LINGO2: variants seen among roughly 807,000 people sequenced by gnomAD.
LINGO2 encodes leucine rich repeat and Ig domain containing 2, also known as leucine-rich repeat and immunoglobulin-like domain-containing nogo receptor-interacting protein 2.
LINGO2 carries 14 observed loss-of-function variants against 30.6 expected under a neutral mutation model. That is an observed-to-expected ratio of 0.46 (90% confidence interval 0.30 to 0.72). The LOEUF (loss-of-function observed/expected upper bound fraction) is 0.72. Among genes scored for constraint, LINGO2 ranks in the 30% least tolerant of loss-of-function variants. The pLI is 0.07. For missense variants in LINGO2, 729 were observed against 751.7 expected (o/e 0.97, Z 0.35); for synonymous variants, 317 against 288.5 (o/e 1.10, Z -1.00).
intron 4 of LINGO2, among the ~76,000 whole-genome samples, chr9:28,042,513 G>C (rs551141517): frequency 1.2e-3 from 187 of 152,284 alleles, no homozygotes; most frequent in Non-Finnish European, 2.2e-3. Flanking sequence ...AGCTATAGAA[G>C]AGGAAGTGTT....
chr9:28,054,019 A>C (rs113515938), intron 4 of LINGO2, among the ~76,000 whole-genome samples: 61 of 152,146 alleles, frequency 4.0e-4, no homozygotes, highest in African/African-American at 1.4e-3. Context: ...GTATATATGC[A>C]ATTCTGCATC....
chr9:28,632,636 A>T (rs1827003337), intron 1 of LINGO2, among the ~76,000 whole-genome samples: 1 of 133,766 alleles, frequency 7.5e-6, no homozygotes, highest in Non-Finnish European at 1.6e-5. Context: ...ATATATTTTT[A>T]TATATATTTA....
At chr9:29,072,485 A>G in the LINGO2 span, among the ~76,000 whole-genome samples, 1 of 151,806 alleles carries the variant, frequency 6.6e-6, no homozygotes, top group African/African-American at 2.4e-5. Context: ...TCTATACTAC[A>G]TAAATTATAT....
chr9:28,405,750 G>C (rs1162980419), intron 2 of LINGO2, among the ~76,000 whole-genome samples: 2 of 152,090 alleles, frequency 1.3e-5, no homozygotes, highest in Non-Finnish European at 2.9e-5. Flanking sequence ...TCCAGACATT[G>C]GTGTCAGGGC....
At chr9:28,928,319 T>C in the LINGO2 span, among the ~76,000 whole-genome samples, 1 of 152,204 alleles carries the variant, frequency 6.6e-6, no homozygotes, top group South Asian at 2.1e-4. Context: ...ATAAATTCTT[T>C]TATAGCTATC....
At chr9:28,502,353 C>T (rs1197468661) in intron 1 of LINGO2, among the ~76,000 whole-genome samples, 1 of 152,036 alleles carries the variant, frequency 6.6e-6, no homozygotes, top group African/African-American at 2.4e-5. Context: ...TCTCTCTTGT[C>T]TGCCCAAATA....
chr9:27,950,237 T>C (rs777986109), exon 6 of LINGO2: 2 of 1,613,988 alleles, frequency 1.2e-6, no homozygotes, highest in Non-Finnish European at 1.7e-6. Context: ...ACATGTAGTC[T>C]AGTAAAATGA....
intron 4 of LINGO2, among the ~76,000 whole-genome samples, chr9:28,247,297 A>C (rs116538496): frequency 0.02 from 3,010 of 152,280 alleles, 91 homozygotes; most frequent in East Asian, 0.12. Context: ...AGATATATGC[A>C]TAGTATGTTT....
At chr9:29,162,544 A>C in the LINGO2 span, among the ~76,000 whole-genome samples, 4 of 152,198 alleles carry the variant, frequency 2.6e-5, no homozygotes, top group African/African-American at 7.2e-5. Context: ...TGAAAGGCAC[A>C]ATAGATGAAT....
chr9:28,302,969 G>A lies in LINGO2; in HGVS notation c.-245-7603C>T, dbSNP rs113953987. ...GAATTAAGATTTAAACTTGTGACTT[G>A]TTAATTGTATAGGTCTTACGCTTTC... On this transcript the variant is annotated intron_variant, in intron 3 of 5. Coordinates refer to ENST00000379992, the Ensembl canonical transcript of LINGO2. Among the ~76,000 whole-genome samples, 781 of 152,220 alleles carry A rather than the reference G, an allele frequency of 5.1e-3. 6 individuals are homozygous for A. The highest frequency in any genetic ancestry group is 0.03 in the South Asian group (146 of 4,822).
intron 4 of LINGO2, among the ~76,000 whole-genome samples, chr9:28,135,325 C>T (rs1827488482): frequency 6.6e-6 from 1 of 151,892 alleles, no homozygotes; most frequent in South Asian, 2.1e-4. Context: ...GAAATACAAG[C>T]TGCTAGAATT....
the LINGO2 span, among the ~76,000 whole-genome samples, chr9:29,194,269 G>A: frequency 3.7e-4 from 56 of 152,264 alleles, no homozygotes; most frequent in African/African-American, 1.3e-3. Flanking sequence ...CGGAGCCCAT[G>A]TTTATTGTCC....
chr9:28,804,511 T>A, the LINGO2 span, among the ~76,000 whole-genome samples: 1 of 151,552 alleles, frequency 6.6e-6, no homozygotes, highest in Non-Finnish European at 1.5e-5. Flanking sequence ...CTCAGTCTGG[T>A]ATATTTTTTG....
the LINGO2 span, among the ~76,000 whole-genome samples, chr9:29,191,072 C>T: frequency 1.3e-5 from 2 of 152,012 alleles, no homozygotes; most frequent in African/African-American, 4.8e-5. Flanking sequence ...TCCACTAGAC[C>T]ACGGTGTGAG....
the LINGO2 span, among the ~76,000 whole-genome samples, chr9:28,735,540 AT>A: frequency 9.2e-5 from 14 of 152,190 alleles, no homozygotes; most frequent in Admixed American, 3.3e-4. Context: ...TCAAGTTATT[AT>A]AATTATCTTA....
the LINGO2 span, among the ~76,000 whole-genome samples, chr9:29,183,752 A>G: frequency 2.6e-5 from 4 of 151,962 alleles, no homozygotes; most frequent in Non-Finnish European, 4.4e-5. Flanking sequence ...AAAGTCCCTC[A>G]TAACAACAGA....
At chr9:28,797,602 T>G in the LINGO2 span, among the ~76,000 whole-genome samples, 3 of 151,954 alleles carry the variant, frequency 2.0e-5, no homozygotes, top group Non-Finnish European at 4.4e-5. Context: ...AATTAACATA[T>G]AAAATGCTGT....
intron 4 of LINGO2, among the ~76,000 whole-genome samples, chr9:28,246,811 C>T (rs1587317942): frequency 6.6e-6 from 1 of 152,172 alleles, no homozygotes; most frequent in African/African-American, 2.4e-5. Context: ...TTAGATTGAA[C>T]AGGCATCCTA....
intron 1 of LINGO2, among the ~76,000 whole-genome samples, chr9:28,638,182 T>A (rs911553350): frequency 6.6e-6 from 1 of 152,186 alleles, no homozygotes; most frequent in Admixed American, 6.5e-5. Context: ...CACTGGATTA[T>A]GGTGGATAAG....
Sources: allele counts gnomAD v4.1 joint callset (sites outside exome capture counted in the v4.1 genomes callset), GRCh38; gene constraint gnomAD v4.1.1; transcripts MANE v1.5; gene names NCBI Gene and HGNC (gene_info 2026-07-23, HGNC 2026-07-21).